SLC12A7: variants seen among roughly 807,000 people sequenced by gnomAD.
SLC12A7 encodes solute carrier family 12 member 7.
Under a neutral mutation model 120.6 loss-of-function variants are expected in SLC12A7, and 100 were observed. The ratio of observed to expected loss-of-function variants is 0.83; its 90% confidence interval spans 0.71 to 0.98. The LOEUF (loss-of-function observed/expected upper bound fraction) is 0.98, where lower values mean the gene tolerates loss of function less well. Ranked by LOEUF, SLC12A7 falls within the 50% of genes least tolerant of loss-of-function variation. The pLI is 0.00. For synonymous variants in SLC12A7, 760 were observed against 678.0 expected, an observed-to-expected ratio of 1.12 and a Z score of -1.88; for missense variants, 1,373 against 1,548.1, an observed-to-expected ratio of 0.89 and a Z score of 1.90.
chr5:1,130,861 G>A, the SLC12A7 span, among the ~76,000 whole-genome samples: 5 of 152,198 alleles, frequency 3.3e-5, no homozygotes, highest in Non-Finnish European at 5.9e-5. Flanking sequence ...CAAGGGGAGC[G>A]GCTGGGCCAG....
At chr5:1,085,667 C>T (rs1036010279) in intron 6 of SLC12A7, among the ~76,000 whole-genome samples, 194 bp from the exon 7 acceptor site, 11 of 137,326 alleles carry the variant, frequency 8.0e-5, no homozygotes, top group African/African-American at 2.5e-4. Flanking sequence ...GGTCAGCGCA[C>T]AGGCGAGGGA....
chr5:1,144,534 C>T, the SLC12A7 span, among the ~76,000 whole-genome samples: 4 of 152,192 alleles, frequency 2.6e-5, no homozygotes, highest in African/African-American at 9.6e-5. Context: ...CTCCGGGTCA[C>T]GCTGGGTGGA....
chr5:1,098,284 TCTGCAA>T (rs1561101426), intron 1 of SLC12A7, among the ~76,000 whole-genome samples: 5 of 13,640 alleles, frequency 3.7e-4, no homozygotes, highest in African/African-American at 6.0e-4. Flanking sequence ...CCCACAACCC[TCTGCAA>T]GCCCAGCCCC....
the SLC12A7 span, among the ~76,000 whole-genome samples, chr5:1,120,548 G>A: frequency 2.0e-5 from 3 of 152,228 alleles, no homozygotes. Flanking sequence ...CACGGCCACT[G>A]TGGAAAACTC....
chr5:1,108,349 T>C (rs887700231), intron 1 of SLC12A7, among the ~76,000 whole-genome samples: 3 of 152,246 alleles, frequency 2.0e-5, no homozygotes, highest in Non-Finnish European at 4.4e-5. Flanking sequence ...GTGTATCTTG[T>C]TTCCTTTGGT....
At chr5:1,099,687 GC>G (rs1205599508) in intron 1 of SLC12A7, among the ~76,000 whole-genome samples, 1 of 152,204 alleles carries the variant, frequency 6.6e-6, no homozygotes, top group Non-Finnish European at 1.5e-5. Context: ...CCCTGTAAAG[GC>G]CGGCTCCTTT....
chr5:1,133,082 TA>T, the SLC12A7 span, among the ~76,000 whole-genome samples: 1 of 152,282 alleles, frequency 6.6e-6, no homozygotes, highest in South Asian at 2.1e-4. Context: ...CACACACAGC[TA>T]ATTTTTGTAT....
intron 3 of SLC12A7, among the ~76,000 whole-genome samples, chr5:1,093,186 G>A (rs1740714146): frequency 6.6e-6 from 1 of 152,142 alleles, no homozygotes; most frequent in African/African-American, 2.4e-5. Flanking sequence ...CTCTGGAAGG[G>A]GCCACGTCCC....
Position 1,052,155 on chromosome 5 carries a change from CCT to C in SLC12A7, c.*203_*204del, listed in dbSNP as rs1346474719. The C allele has an allele frequency of 8.5e-6, 5 of 589,772 alleles. No homozygotes were observed. Among genetic ancestry groups the C allele is most frequent in the African/African-American group, 3.7e-5 (2 of 53,584 alleles). 36.5% of individuals were successfully genotyped at this position (589,772 alleles called of 1,614,324 possible). ...ATGCAAGGAAATCGTCCAGCCACGC[CCT>C]GATTTGCTGAGCCTGTTAAGGCTGA... On this transcript the variant is annotated 3_prime_UTR_variant, in exon 24 of 24. Transcript: ENST00000264930.
chr5:1,083,547 C>T (rs970286171), intron 8 of SLC12A7, among the ~76,000 whole-genome samples, 198 bp downstream of exon 8: 4 of 152,224 alleles, frequency 2.6e-5, no homozygotes, highest in African/African-American at 9.6e-5. Context: ...CTCCCTGCCA[C>T]ACCGTGTTTG....
chr5:1,107,621 C>T (rs1268702688), intron 1 of SLC12A7, among the ~76,000 whole-genome samples: 6 of 152,240 alleles, frequency 3.9e-5, no homozygotes, highest in Non-Finnish European at 8.8e-5. Context: ...CAGGCCTGAG[C>T]ACCTGGCCCT....
At chr5:1,052,833 A>C (rs576591077) in intron 23 of SLC12A7, among the ~76,000 whole-genome samples, 1 of 152,348 alleles carries the variant, frequency 6.6e-6, no homozygotes, top group Admixed American at 6.5e-5. Flanking sequence ...CACTGGCCCC[A>C]GTTCTTGGTG....
chr5:1,139,722 G>A, the SLC12A7 span, among the ~76,000 whole-genome samples: 3 of 152,214 alleles, frequency 2.0e-5, no homozygotes, highest in African/African-American at 7.2e-5. Flanking sequence ...CCACTTTTGT[G>A]ACCCACGTCC....
At chr5:1,109,370 AG>A (rs1742813682) in intron 1 of SLC12A7, among the ~76,000 whole-genome samples, 1 of 152,190 alleles carries the variant, frequency 6.6e-6, no homozygotes. Context: ...GGCCCCCAGC[AG>A]TGTCCTCCCA....
intron 9 of SLC12A7, among the ~76,000 whole-genome samples, chr5:1,081,059 CAGAGAGAGAGAGAGAGACAGACAGAG>C (rs1380479363): frequency 2.3e-5 from 1 of 44,426 alleles, no homozygotes; most frequent in Non-Finnish European, 1.3e-4. Context: ...AAGAGGGAGA[CAGAGAGAGAGAGAGAGACAGACAGAG>C]AGAGAGGGAA....
intron 1 of SLC12A7, among the ~76,000 whole-genome samples, chr5:1,107,956 A>C (rs183267131): frequency 6.6e-6 from 1 of 152,000 alleles, no homozygotes; most frequent in Non-Finnish European, 1.5e-5. Flanking sequence ...CCCAACACCC[A>C]ACACCGCGTG....
intron 1 of SLC12A7, among the ~76,000 whole-genome samples, chr5:1,096,610 G>C (rs962370835): frequency 6.7e-6 from 1 of 149,268 alleles, no homozygotes; most frequent in Non-Finnish European, 1.5e-5. Context: ...ACACTTTCTG[G>C]AGTCAATGGA....
chr5:1,058,801 G>C (rs779008627), intron 21 of SLC12A7, among the ~76,000 whole-genome samples: 1 of 152,120 alleles, frequency 6.6e-6, no homozygotes, highest in Non-Finnish European at 1.5e-5. Context: ...GCCCGCTCTC[G>C]GCAGAGCCAG....
In SLC12A7 at chr5:1,076,691, C is replaced by T. The variant is rs549911960; in HGVS notation, c.1748+3G>A. The T allele has an allele frequency of 6.2e-7, 1 of 1,607,284 alleles. No individual in the cohort carries two copies. The highest frequency in any genetic ancestry group is 1.7e-5 in the Admixed American group (1 of 59,996). On this transcript the variant is annotated splice_donor_region_variant and intron_variant, in intron 13 of 23. Coordinates refer to ENST00000264930, the MANE Select transcript of SLC12A7 (RefSeq NM_006598.3). ...CCCAGGTCCCCGTCCTGTGGGGGCT[C>T]ACATGGAGAGGATCGGGGCCACGCT...
Sources: gnomAD v4.1 joint callset for allele counts (sites outside exome capture counted in the v4.1 genomes callset) on GRCh38, gnomAD v4.1.1 for gene constraint, MANE v1.5 for transcripts, NCBI Gene and HGNC (gene_info 2026-07-23, HGNC 2026-07-21) for gene names.